Variants in PLCB1 observed in about 807,000 individuals in gnomAD.
PLCB1 encodes the protein phospholipase C beta 1.
PLCB1 carries 46 observed loss-of-function variants against 161.8 expected under a neutral mutation model. The ratio of observed to expected loss-of-function variants is 0.28; its 90% confidence interval spans 0.22 to 0.36. The LOEUF is 0.36. PLCB1 is among the 10% of genes least tolerant of loss of function. PLCB1 has a pLI of 1.00. For missense variants in PLCB1, 1,016 were observed against 1,472.5 expected (o/e 0.69, Z 5.07); for synonymous variants, 517 against 503.7 (o/e 1.03, Z -0.35).
chr20:8,136,295 C>A (rs1455332312), intron 1 of PLCB1, among the ~76,000 whole-genome samples: 1 of 152,074 alleles, frequency 6.6e-6, no homozygotes, highest in African/African-American at 2.4e-5. Context: ...TTGTATAAAG[C>A]CTGACATACA....
chr20:8,752,946 CAGGTGGGCA>C (rs1363646009), intron 23 of PLCB1, among the ~76,000 whole-genome samples: 1 of 123,218 alleles, frequency 8.1e-6, no homozygotes, highest in African/African-American at 2.9e-5. Context: ...AAGTAAGCAG[CAGGTGGGCA>C]AGCAAGCAAA....
intron 31 of PLCB1, among the ~76,000 whole-genome samples, chr20:8,845,590 T>A (rs1986663003): frequency 6.6e-6 from 1 of 152,190 alleles, no homozygotes; most frequent in African/African-American, 2.4e-5. Context: ...TACAGAAAGT[T>A]CTATTGGGTC....
rs192053343 is a variant in PLCB1, at chr20:8,291,899, T to A, written c.178-79483T>A. 5.3e-5 allele frequency among the ~76,000 whole-genome samples: 8 copies of A among 152,294 alleles called. No homozygotes were observed. The East Asian group carries it at 1.5e-3, about 29-fold the overall frequency. On this transcript the variant is annotated intron_variant, in intron 2 of 31. Transcript: ENST00000338037. ...ACTCACAGGTTAATCCTTCTGCCCT[T>A]CCCTGATCCTATCCCAGATGGCTTT... is the stretch of plus-strand genomic sequence containing the variant.
At chr20:8,752,170 A>T (rs1981513783) in intron 23 of PLCB1, 1 of 152,168 alleles carries the variant, frequency 6.6e-6, no homozygotes, top group Admixed American at 6.5e-5. Flanking sequence ...TCTCAGCAGC[A>T]AGTTAAGTTA....
chr20:8,485,243 A>C (rs1600100927), intron 3 of PLCB1, among the ~76,000 whole-genome samples: 1 of 152,248 alleles, frequency 6.6e-6, no homozygotes, highest in East Asian at 1.9e-4. Context: ...GTAGATGTAT[A>C]CTCCACAGCC....
rs1264427538 is a variant in PLCB1, at chr20:8,191,353, T to G, written c.177+40982T>G. Among the ~76,000 whole-genome samples the G allele has an allele frequency of 3.3e-5, 5 of 152,134 alleles. No homozygotes were observed. The East Asian group carries it at 9.7e-4, about 29-fold the overall frequency. On this transcript the variant is annotated intron_variant, in intron 2 of 31. Coordinates refer to ENST00000338037, the MANE Select transcript of PLCB1 (RefSeq NM_015192.4). ...ACAACTATACATCCTTCACACAAAT[T>G]CACTGATTGTTTCTCATTTTTTTCC...
chr20:8,657,340 G>A (rs1367516546), intron 8 of PLCB1, 56 bp downstream of exon 8: 2 of 1,000,792 alleles, frequency 2.0e-6, no homozygotes, highest in Non-Finnish European at 3.2e-6. Flanking sequence ...TTCTCAGGTG[G>A]CTAGAGCAGG....
chr20:8,869,809 G>C (rs909665381), intron 31 of PLCB1, among the ~76,000 whole-genome samples: 2 of 152,216 alleles, frequency 1.3e-5, no homozygotes, highest in East Asian at 3.9e-4. Context: ...CTGTAGCTCT[G>C]CTGATCTTGA....
intron 3 of PLCB1, among the ~76,000 whole-genome samples, chr20:8,529,402 T>C (rs1984709110): frequency 6.6e-6 from 1 of 152,048 alleles, no homozygotes; most frequent in Non-Finnish European, 1.5e-5. Context: ...CCCCAGAACC[T>C]CTCGCATATG....
In PLCB1 at chr20:8,419,961, A is replaced by G. The variant is rs1600388730; in HGVS notation, c.246+48511A>G. On this transcript the variant is annotated intron_variant, in intron 3 of 31. Coordinates refer to ENST00000338037, the MANE Select transcript of PLCB1 (RefSeq NM_015192.4). Reference sequence around the variant, plus strand: ...AATATCTATAGCAGCAGCAGTTTGTATCTGAAATTATTACAAGGGGATTTG... The same window carrying G: ...AATATCTATAGCAGCAGCAGTTTGTGTCTGAAATTATTACAAGGGGATTTG... Among the ~76,000 whole-genome samples the G allele has an allele frequency of 2.0e-5, 3 of 152,196 alleles. No individual in the cohort carries two copies. The East Asian group carries it at 5.8e-4, about 29-fold the overall frequency.
chr20:8,485,358 T>A (rs1056936500), intron 3 of PLCB1, among the ~76,000 whole-genome samples: 11 of 152,248 alleles, frequency 7.2e-5, no homozygotes, highest in Admixed American at 2.6e-4. Flanking sequence ...TTCCAGAGTT[T>A]CCCTTGTTCT....
intron 3 of PLCB1, among the ~76,000 whole-genome samples, chr20:8,576,503 A>G (rs1294877496): frequency 6.6e-6 from 1 of 152,250 alleles, no homozygotes; most frequent in Non-Finnish European, 1.5e-5. Context: ...TTTCCATACA[A>G]TCATTTAAAT....
At chr20:8,150,196 T>C in intron 1 of PLCB1, 98 bp from the exon 2 acceptor site, 1 of 500,572 alleles carries the variant, frequency 2.0e-6, no homozygotes, top group South Asian at 4.3e-5. Flanking sequence ...ATTGACTACT[T>C]TGGAGAATCT....
intron 2 of PLCB1, among the ~76,000 whole-genome samples, chr20:8,226,540 A>G (rs1435152615): frequency 1.3e-5 from 2 of 152,060 alleles, no homozygotes; most frequent in Non-Finnish European, 2.9e-5. Flanking sequence ...GGACCTCTCT[A>G]TCTCCTTTAT....
intron 27 of PLCB1, among the ~76,000 whole-genome samples, chr20:8,786,240 G>A (rs1414969603): frequency 6.6e-6 from 1 of 152,152 alleles, no homozygotes; most frequent in Non-Finnish European, 1.5e-5. Context: ...TAGAGACGTT[G>A]CAGGAGACCC....
At chr20:8,718,082 T>C (rs1317806597) in intron 14 of PLCB1, among the ~76,000 whole-genome samples, 1 of 151,756 alleles carries the variant, frequency 6.6e-6, no homozygotes, top group African/African-American at 2.4e-5. Flanking sequence ...TATCTGGGCA[T>C]AGTGGCACGT....
chr20:8,657,436 A>T (rs907664841), intron 8 of PLCB1, 152 bp downstream of exon 8: 12 of 638,204 alleles, frequency 1.9e-5, no homozygotes, highest in Non-Finnish European at 3.1e-5. Context: ...ATAGGATCAC[A>T]CAATCTTGCC....
chr20:8,283,219 A>G (rs1446622033), intron 2 of PLCB1, among the ~76,000 whole-genome samples: 2 of 152,182 alleles, frequency 1.3e-5, no homozygotes, highest in Non-Finnish European at 2.9e-5. Context: ...TTTCATCTTA[A>G]TTCTAGTTAA....
intron 3 of PLCB1, among the ~76,000 whole-genome samples, chr20:8,541,560 AAGAG>A: frequency 2.6e-5 from 1 of 37,952 alleles, no homozygotes; most frequent in African/African-American, 2.0e-4. Flanking sequence ...GAAAGGAAGA[AAGAG>A]AAAGAAAGAA....
Sources: allele counts gnomAD v4.1 joint callset (sites outside exome capture counted in the v4.1 genomes callset), GRCh38; gene constraint gnomAD v4.1.1; transcripts MANE v1.5; gene names NCBI Gene and HGNC (gene_info 2026-07-23, HGNC 2026-07-21).